The following ENPEP variants were observed in gnomAD, a reference collection of about 807,000 sequenced individuals.
ENPEP encodes AP-A.
ENPEP carries 103 observed loss-of-function variants against 114.5 expected under a neutral mutation model. The observed-to-expected ratio is 0.90, with a 90% CI of 0.77 to 1.06. ENPEP has a LOEUF of 1.06. Among genes scored for constraint, ENPEP ranks in the 50% least tolerant of loss-of-function variants. The probability of loss-of-function intolerance (pLI) is 0.00; values close to 1 mark genes in which losing one functional copy is unlikely to be tolerated. For missense variants in ENPEP, 1,196 were observed against 1,161.3 expected (o/e 1.03, Z -0.43); for synonymous variants, 420 against 422.0 (o/e 1.00, Z 0.06).
intron 17 of ENPEP, 47 bp downstream of exon 17, chr4:110,549,933 T>C (rs750129417): frequency 6.7e-7 from 1 of 1,488,682 alleles, no homozygotes; most frequent in Admixed American, 2.1e-5. Context: ...TTTAATAGTT[T>C]ATGTGTCACA....
At chr4:110,532,654 A>AT (rs911337724) in intron 11 of ENPEP, among the ~76,000 whole-genome samples, 44 of 151,188 alleles carry the variant, frequency 2.9e-4, no homozygotes, top group East Asian at 1.7e-3. Context: ...AGTTTTTGTG[A>AT]TTTTTTTTTA....
At chr4:110,508,495 A>C (rs1442850353) in intron 4 of ENPEP, among the ~76,000 whole-genome samples, 2 of 152,222 alleles carry the variant, frequency 1.3e-5, no homozygotes. Context: ...ATCCCTCTTC[A>C]TTCTTTTATA....
intron 8 of ENPEP, chr4:110,515,745 G>A: frequency 2.0e-6 from 1 of 495,366 alleles, no homozygotes; most frequent in Non-Finnish European, 3.9e-6. Flanking sequence ...TAGACTGGGT[G>A]GCTTAAACAA....
chr4:110,496,188 T>C (rs1156405806), intron 3 of ENPEP, among the ~76,000 whole-genome samples: 1 of 152,194 alleles, frequency 6.6e-6, no homozygotes, highest in Non-Finnish European at 1.5e-5. Flanking sequence ...AAAGATAGGC[T>C]GAAGGCAGAG....
chr4:110,508,340 CACA>C (rs1298975105), intron 4 of ENPEP, among the ~76,000 whole-genome samples: 3 of 151,528 alleles, frequency 2.0e-5, no homozygotes, highest in Admixed American at 2.0e-4. Context: ...AACTGCACTC[CACA>C]ACATTATGAA....
chr4:110,488,832 A>G, intron 2 of ENPEP, 150 bp downstream of exon 2: 9 of 1,150,318 alleles, frequency 7.8e-6, no homozygotes, highest in Non-Finnish European at 1.1e-5. Context: ...CATTTTGGCA[A>G]TCTTTTTCTT....
chr4:110,528,124 A>G (rs1218213186), intron 10 of ENPEP, among the ~76,000 whole-genome samples: 1 of 152,154 alleles, frequency 6.6e-6, no homozygotes, highest in African/African-American at 2.4e-5. Flanking sequence ...ACCTTCAGAT[A>G]CTATTTTCAT....
In ENPEP at chr4:110,506,722, A is replaced by G. The variant is rs1232966642; in HGVS notation, c.1004A>G (p.Glu335Gly). The G allele has an allele frequency of 1.9e-6, 3 of 1,604,682 alleles. No homozygotes were observed. Among genetic ancestry groups the G allele is most frequent in the Non-Finnish European group, 2.6e-6 (3 of 1,172,606 alleles). The change falls in exon 4 of 20, where the codon GAA (glutamate) becomes GGA (glycine). Residue 335 changes from glutamate to glycine, a missense_variant. Coordinates refer to ENST00000265162, the MANE Select transcript of ENPEP (RefSeq NM_001977.4). The part of the protein sequence containing the change: ...ITKSVFDYFE[E>G]YFAMNYSLPK... ...AAAAGTGTGTTTGATTATTTTGAAG[A>G]ATACTTTGCTATGAATTATTCTCTT...
At chr4:110,501,220 G>A (rs1476949070) in intron 3 of ENPEP, among the ~76,000 whole-genome samples, 1 of 152,132 alleles carries the variant, frequency 6.6e-6, no homozygotes, top group African/African-American at 2.4e-5. Flanking sequence ...GTTGATCAAA[G>A]TAGCAGTTAT....
chr4:110,552,470 G>A (rs1727326892), intron 17 of ENPEP, among the ~76,000 whole-genome samples: 1 of 152,146 alleles, frequency 6.6e-6, no homozygotes, highest in Admixed American at 6.6e-5. Flanking sequence ...AAGTTGAACA[G>A]TGATCCCTTT....
chr4:110,544,076 A>G (rs1377659026), intron 13 of ENPEP, among the ~76,000 whole-genome samples: 1 of 152,052 alleles, frequency 6.6e-6, no homozygotes, highest in Non-Finnish European at 1.5e-5. Context: ...CAGAGTTCCT[A>G]GATAGTATAT....
chr4:110,515,916 T>C, intron 8 of ENPEP: 1 of 421,946 alleles, frequency 2.4e-6, no homozygotes, highest in South Asian at 1.8e-5. Flanking sequence ...GAGAGAGCAC[T>C]CTGGTGTCTC....
intron 11 of ENPEP, among the ~76,000 whole-genome samples, chr4:110,535,814 C>A (rs1300120388): frequency 1.3e-5 from 2 of 152,152 alleles, no homozygotes; most frequent in Non-Finnish European, 2.9e-5. Flanking sequence ...TAGAGAAACA[C>A]CGTCTCTACT....
intron 11 of ENPEP, among the ~76,000 whole-genome samples, chr4:110,538,953 A>G (rs572423716): frequency 5.3e-5 from 8 of 152,226 alleles, no homozygotes; most frequent in African/African-American, 1.9e-4. Context: ...AACACACACA[A>G]CACTTACCGA....
At position 110,476,846 on chromosome 4, in the gene ENPEP, C is replaced by G. The variant is rs752500916; in HGVS notation, c.432C>G (p.Leu144=). The change falls in exon 1 of 20, where the codon CTC becomes CTG. Residue 144 remains leucine, a synonymous_variant. Coordinates refer to ENST00000265162, the MANE Select transcript of ENPEP (RefSeq NM_001977.4). ...LHLRETRITR[L]PELKRPSGDQ... is the part of the protein sequence containing the mutation. ...TCCGGGAGACCAGGATCACCCGGCT[C>G]CCGGAGCTGAAGAGGCCCTCTGGGG... The G allele has an allele frequency of 6.2e-7, 1 of 1,613,988 alleles. No homozygotes were observed. Among genetic ancestry groups the G allele is most frequent in the African/African-American group, 1.3e-5 (1 of 74,916 alleles).
At chr4:110,537,014 T>C (rs2110381068) in intron 11 of ENPEP, among the ~76,000 whole-genome samples, 2 of 152,300 alleles carry the variant, frequency 1.3e-5, no homozygotes, top group Middle Eastern at 3.4e-3. Context: ...TAAAAAAGTA[T>C]ATATGTTAAC....
chr4:110,496,346 A>AT (rs1209696410), intron 3 of ENPEP, among the ~76,000 whole-genome samples: 1 of 152,194 alleles, frequency 6.6e-6, no homozygotes, highest in Admixed American at 6.5e-5. Context: ...TCAGAGATAT[A>AT]TTTTTAAACT....
Position 110,550,545 on chromosome 4 carries a change from A to G in ENPEP, c.2501+659A>G, listed in dbSNP as rs76132463. On this transcript the variant is annotated intron_variant, in intron 17 of 19. Coordinates refer to ENST00000265162, the MANE Select transcript of ENPEP (RefSeq NM_001977.4). The stretch of plus-strand genomic sequence containing the variant: ...AAAGAGGAGTGTCTGCCGCAAATGC[A>G]TTTACACTTTACTCAGAAGGCACAA... Among the ~76,000 whole-genome samples the G allele has an allele frequency of 3.8e-3, 573 of 152,138 alleles. 8 individuals are homozygous for G. Among genetic ancestry groups the G allele is most frequent in the African/African-American group, 0.012 (505 of 41,528 alleles).
Position 110,562,640 on chromosome 4 carries a change from A to G in ENPEP, c.*1082A>G, listed in dbSNP as rs1727716343. ...AACCCTTAGATCCTAATCCATACAG[A>G]ATAGCACTGATCAAATTTAAATGCA... is the stretch of plus-strand genomic sequence containing the variant. On this transcript the variant is annotated 3_prime_UTR_variant, in exon 20 of 20. Transcript: ENST00000265162. The G allele has an allele frequency of 6.6e-6, 1 of 152,190 alleles. No homozygotes were observed. Among genetic ancestry groups the G allele is most frequent in the Non-Finnish European group, 1.5e-5 (1 of 68,016 alleles). 9.4% of individuals were successfully genotyped at this position (152,190 alleles called of 1,614,324 possible). A position where few individuals can be genotyped will look rare whatever the true frequency, so the allele number is the denominator to read the frequency against.
Sources: allele counts gnomAD v4.1 joint callset (sites outside exome capture counted in the v4.1 genomes callset), GRCh38; gene constraint gnomAD v4.1.1; transcripts MANE v1.5; gene names NCBI Gene and HGNC (gene_info 2026-07-23, HGNC 2026-07-21).